The following PM20D2 variants were observed in gnomAD, a reference collection of about 807,000 sequenced individuals.
PM20D2 encodes xaa-Arg dipeptidase.
In PM20D2, 33 loss-of-function variants were observed where a neutral mutation model predicts 42.9. That is an observed-to-expected ratio of 0.77 (90% CI 0.58 to 1.03). The LOEUF is 1.03. Ranked by LOEUF, PM20D2 falls within the 50% of genes least tolerant of loss-of-function variation. PM20D2 has a pLI of 0.00. For missense variants in PM20D2, 548 were observed against 557.0 expected (o/e 0.98, Z 0.16); for synonymous variants, 250 against 228.2 (o/e 1.10, Z -0.86).
At position 89,164,766 on chromosome 6, in the gene PM20D2, A is replaced by G. The variant is rs1401014861; in HGVS notation, c.*2503A>G. The G allele has an allele frequency of 2.0e-5, 3 of 152,360 alleles. No homozygotes were observed. The highest frequency in any genetic ancestry group is 4.4e-5 in the Non-Finnish European group (3 of 67,954). 9.4% of individuals were successfully genotyped at this position (152,360 alleles called of 1,614,324 possible). A position where few individuals can be genotyped will look rare whatever the true frequency, so the allele number is the denominator to read the frequency against. On this transcript the variant is annotated 3_prime_UTR_variant, in exon 7 of 7. Coordinates refer to ENST00000275072, the MANE Select transcript of PM20D2 (RefSeq NM_001010853.3). ...AGGGAATAAAAGAGTTTAAGATATT[A>G]TGTAAAATTATGTGTATTTTCTTCT...
chr6:89,106,544 A>AT, the PM20D2 span: 1 of 157,968 alleles, frequency 6.3e-6, no homozygotes, highest in Non-Finnish European at 1.4e-5. Flanking sequence ...ATTATATAAT[A>AT]TTAAACCTAG....
At chr6:89,161,070 A>C (rs1771218367) in intron 5 of PM20D2, among the ~76,000 whole-genome samples, 1 of 152,210 alleles carries the variant, frequency 6.6e-6, no homozygotes, top group African/African-American at 2.4e-5. Context: ...ATGATAGCAT[A>C]GGCTGAGGAC....
the PM20D2 span, among the ~76,000 whole-genome samples, chr6:89,136,885 A>T: frequency 6.6e-6 from 1 of 151,080 alleles, no homozygotes; most frequent in Non-Finnish European, 1.5e-5. Context: ...GTGGAGGCTA[A>T]GGGTGGAAGC....
chr6:89,116,773 CT>C, the PM20D2 span, among the ~76,000 whole-genome samples: 1 of 92,254 alleles, frequency 1.1e-5, no homozygotes, highest in Non-Finnish European at 2.4e-5. Flanking sequence ...GAGACTTTGT[CT>C]AAAAAAAAAA....
the PM20D2 span, among the ~76,000 whole-genome samples, chr6:89,134,783 T>A: frequency 6.6e-6 from 1 of 151,226 alleles, no homozygotes; most frequent in South Asian, 2.1e-4. Context: ...AAGTGATTTA[T>A]GAGTGGGCTC....
intron 2 of PM20D2, among the ~76,000 whole-genome samples, chr6:89,151,632 T>A (rs1231792431): frequency 1.3e-5 from 2 of 152,346 alleles, no homozygotes; most frequent in East Asian, 3.9e-4. Flanking sequence ...TTTGGTGTAC[T>A]TATGGGACAT....
At chr6:89,102,034 T>A in the PM20D2 span, among the ~76,000 whole-genome samples, 1 of 151,928 alleles carries the variant, frequency 6.6e-6, no homozygotes, top group South Asian at 2.1e-4. Context: ...CTAAATATTC[T>A]TTAGACTGAA....
At chr6:89,123,719 CAAA>C in the PM20D2 span, among the ~76,000 whole-genome samples, 7 of 53,910 alleles carry the variant, frequency 1.3e-4, no homozygotes, top group Non-Finnish European at 1.9e-4. Flanking sequence ...GAGACTGTCT[CAAA>C]AAAAAAAAAA....
chr6:89,104,308 C>A, the PM20D2 span, among the ~76,000 whole-genome samples: 1 of 150,322 alleles, frequency 6.7e-6, no homozygotes, highest in South Asian at 2.1e-4. Flanking sequence ...GTGATCTCAG[C>A]TCACTGCAAC....
At chr6:89,099,937 C>A in the PM20D2 span, among the ~76,000 whole-genome samples, 1,614 of 152,250 alleles carry the variant, frequency 0.011, 24 homozygotes, top group African/African-American at 0.037. Flanking sequence ...GGATTACAAG[C>A]CTTGGCTCTT....
the PM20D2 span, among the ~76,000 whole-genome samples, chr6:89,111,900 A>G: frequency 6.6e-6 from 1 of 152,174 alleles, no homozygotes; most frequent in South Asian, 2.1e-4. Context: ...CCATTAATAC[A>G]CTATATTTAA....
chr6:89,105,496 A>G, the PM20D2 span: 5 of 1,610,132 alleles, frequency 3.1e-6, no homozygotes, highest in Non-Finnish European at 4.2e-6. Flanking sequence ...TTGAGGTTAT[A>G]AAGAGCATCT....
At chr6:89,149,721 T>A (rs570183567) in intron 2 of PM20D2, among the ~76,000 whole-genome samples, 1 of 152,370 alleles carries the variant, frequency 6.6e-6, no homozygotes, top group East Asian at 1.9e-4. Flanking sequence ...TGTCCTTTCA[T>A]ATGAAATTGT....
At chr6:89,106,750 C>T in the PM20D2 span, 54 of 341,116 alleles carry the variant, frequency 1.6e-4, no homozygotes, top group South Asian at 6.0e-4. Context: ...TTATAAGAGA[C>T]GCAGAACCAA....
rs1012323686 is a variant in PM20D2 at position 89,165,148 on chromosome 6, T to G, written c.*2885T>G. ...AAGAAATTGATACAATAAGTTTTTT[T>G]TTTTAAGGATGATTGTCTAATTTTG... On this transcript the variant is annotated 3_prime_UTR_variant, in exon 7 of 7. Coordinates refer to ENST00000275072, the MANE Select transcript of PM20D2 (RefSeq NM_001010853.3). 1 of 152,016 alleles carries G rather than the reference T, an allele frequency of 6.6e-6. No homozygotes were observed. Among genetic ancestry groups the G allele is most frequent in the African/African-American group, 2.4e-5 (1 of 41,444 alleles). 9.4% of individuals were successfully genotyped at this position (152,016 alleles called of 1,614,324 possible). A position where few individuals can be genotyped will look rare whatever the true frequency, so the allele number is the denominator to read the frequency against.
At chr6:89,108,527 G>A in the PM20D2 span, among the ~76,000 whole-genome samples, 2 of 152,194 alleles carry the variant, frequency 1.3e-5, no homozygotes, top group Non-Finnish European at 2.9e-5. Context: ...ACTGCTTCAT[G>A]GTGCTATCAT....
At position 89,163,378 on chromosome 6, in the gene PM20D2, C is replaced by T. The variant is rs986411551; in HGVS notation, c.*1115C>T. 1.3e-5 allele frequency: 2 copies of T among 152,152 alleles called. No homozygotes were observed. The highest frequency in any genetic ancestry group is 2.9e-5 in the Non-Finnish European group (2 of 68,030). 9.4% of individuals were successfully genotyped at this position (152,152 alleles called of 1,614,324 possible). On this transcript the variant is annotated 3_prime_UTR_variant, in exon 7 of 7. Coordinates refer to ENST00000275072, the MANE Select transcript of PM20D2 (RefSeq NM_001010853.3). ...TTTTTACATAATAGAGACAGGGGCTCGCTGTAGCTTCCAGGCTGGCCTCAA... is the reference window on the plus strand; with the variant it reads ...TTTTTACATAATAGAGACAGGGGCTTGCTGTAGCTTCCAGGCTGGCCTCAA...
In PM20D2 at chr6:89,154,754, TA is replaced by T. The variant is rs1214792276; in HGVS notation, c.770del (p.Asn257MetfsTer4). The T allele has an allele frequency of 2.0e-6, 3 of 1,535,588 alleles. No homozygotes were observed. The highest frequency in any genetic ancestry group is 1.4e-5 in the African/African-American group (1 of 71,488). On this transcript the variant is annotated frameshift_variant, in exon 4 of 7. Transcript: ENST00000275072. LOFTEE classifies it high-confidence loss of function. ...AATTTGGTTCTTTTTATAGGTATAA[TA>T]AAAAATGGTGGTGTAAAACCCAATA... ...MKPTWRVHGI[I>X]KNGGVKPNII...
At chr6:89,117,822 C>T in the PM20D2 span, 1 of 1,556,336 alleles carries the variant, frequency 6.4e-7, no homozygotes, top group African/African-American at 1.4e-5. Context: ...CGGCCGTTCA[C>T]CTGGTGGCGT....
Sources: allele counts gnomAD v4.1 joint callset (sites outside exome capture counted in the v4.1 genomes callset), GRCh38; gene constraint gnomAD v4.1.1; transcripts MANE v1.5; gene names NCBI Gene and HGNC (gene_info 2026-07-23, HGNC 2026-07-21).